ZBTB46: variants seen among roughly 807,000 people sequenced by gnomAD.
The protein encoded by ZBTB46 is zinc finger and BTB domain containing 46, also known as zinc finger and BTB domain-containing protein 46.
ZBTB46 carries 8 observed loss-of-function variants against 44.1 expected under a neutral mutation model. The ratio of observed to expected loss-of-function variants is 0.18; its 90% CI spans 0.11 to 0.33. ZBTB46 has a LOEUF of 0.33. Among genes scored for constraint, ZBTB46 ranks in the 10% least tolerant of loss-of-function variants. The pLI is 1.00. For missense variants in ZBTB46, 651 were observed against 847.7 expected (o/e 0.77, Z 2.88); for synonymous variants, 409 against 382.3 (o/e 1.07, Z -0.81).
intron 3 of ZBTB46, among the ~76,000 whole-genome samples, chr20:63,764,125 C>CAGTA (rs1383121755): frequency 1.3e-5 from 2 of 152,004 alleles, no homozygotes; most frequent in African/African-American, 2.4e-5. Flanking sequence ...TGAGCCATTA[C>CAGTA]ACCCAGCTAA....
intron 1 of ZBTB46, among the ~76,000 whole-genome samples, chr20:63,827,703 A>G (rs2092827425): frequency 6.6e-6 from 1 of 152,206 alleles, no homozygotes; most frequent in South Asian, 2.1e-4. Context: ...TCTATTGTAA[A>G]ATAGCTATGG....
intron 3 of ZBTB46, among the ~76,000 whole-genome samples, chr20:63,754,463 T>C (rs2092201037): frequency 6.6e-6 from 1 of 152,172 alleles, no homozygotes; most frequent in Non-Finnish European, 1.5e-5. Flanking sequence ...CAGCATTTTT[T>C]TTCTCTTTTT....
chr20:63,780,840 A>G (rs1408461401), intron 2 of ZBTB46, among the ~76,000 whole-genome samples: 1 of 150,008 alleles, frequency 6.7e-6, no homozygotes, highest in African/African-American at 2.5e-5. Context: ...CTGTTAAATG[A>G]AAAAAGGAGG....
At position 63,747,502 on chromosome 20, in the gene ZBTB46, G is replaced by A. The variant is rs183598936; in HGVS notation, c.1399-201C>T. Among the ~76,000 whole-genome samples the A allele has an allele frequency of 3.4e-3, 186 of 54,038 alleles. 3 individuals carry two copies. Among genetic ancestry groups the A allele is most frequent in the African/African-American group, 9.6e-3 (176 of 18,378 alleles). 35.5% of individuals were successfully genotyped at this position (54,038 alleles called of 152,430 possible). Reference sequence around the variant, plus strand: ...GTGAGCAGGGCCCGGTGGAGGTTGGGAGGGGGGCCAGGGGGTGAGCAGGGC... The same window carrying A: ...GTGAGCAGGGCCCGGTGGAGGTTGGAAGGGGGGCCAGGGGGTGAGCAGGGC... On this transcript the variant is annotated intron_variant, in intron 4 of 4. Transcript: ENST00000245663.
chr20:63,790,467 G>C lies in ZBTB46; in HGVS notation c.291C>G (p.Leu97=). The part of the protein sequence containing the change: ...IDFMYSAHLA[L]TSRNVIEVMS... ...TCACCTCGATGACGTTCCTGCTGGT[G>C]AGCGCCAGGTGCGCTGAGTACATGA... Residue 97 remains leucine (L), a synonymous_variant, in exon 2 of 5, where the codon CTC becomes CTG. Coordinates refer to ENST00000245663, the MANE Select transcript of ZBTB46 (RefSeq NM_001369741.1). 1 of 1,613,470 alleles carries C rather than the reference G, an allele frequency of 6.2e-7. No homozygotes were observed. The highest frequency in any genetic ancestry group is 1.1e-5 in the South Asian group (1 of 91,086).
intron 3 of ZBTB46, among the ~76,000 whole-genome samples, chr20:63,762,132 G>A (rs1027651559): frequency 2.6e-5 from 4 of 152,134 alleles, no homozygotes; most frequent in African/African-American, 9.7e-5. Flanking sequence ...TTAGCTAACT[G>A]AATCCAATAA....
intron 4 of ZBTB46, among the ~76,000 whole-genome samples, chr20:63,748,808 C>T (rs1348970554): frequency 6.6e-6 from 1 of 152,250 alleles, no homozygotes; most frequent in African/African-American, 2.4e-5. Context: ...GTGAGTTTAG[C>T]TCTTCCTTAA....
At chr20:63,762,770 CTT>C (rs1228161747) in intron 3 of ZBTB46, among the ~76,000 whole-genome samples, 1 of 152,124 alleles carries the variant, frequency 6.6e-6, no homozygotes, top group African/African-American at 2.4e-5. Flanking sequence ...GCCAGTCCCT[CTT>C]GAGTAATACT....
chr20:63,759,978 G>A (rs1429842176), intron 3 of ZBTB46, among the ~76,000 whole-genome samples: 1 of 152,152 alleles, frequency 6.6e-6, no homozygotes, highest in Non-Finnish European at 1.5e-5. Flanking sequence ...TTGAGTTCTT[G>A]GAATGAGCCT....
intron 1 of ZBTB46, among the ~76,000 whole-genome samples, chr20:63,805,582 G>T (rs914005954): frequency 7.2e-5 from 11 of 152,192 alleles, no homozygotes; most frequent in African/African-American, 2.4e-4. Context: ...GGAAGAGGCA[G>T]GAAGGACCCT....
chr20:63,769,159 C>A, intron 3 of ZBTB46: 1 of 983,810 alleles, frequency 1.0e-6, no homozygotes, highest in Non-Finnish European at 1.2e-6. Flanking sequence ...TCATCTGGGC[C>A]GTGGCCACGC....
At chr20:63,784,951 T>C (rs573690153) in intron 2 of ZBTB46, among the ~76,000 whole-genome samples, 11 of 152,234 alleles carry the variant, frequency 7.2e-5, no homozygotes, top group Admixed American at 4.6e-4. Flanking sequence ...AGAGACTTTG[T>C]GGCCGGGCGT....
At chr20:63,770,346 T>C (rs892510466) in intron 3 of ZBTB46, among the ~76,000 whole-genome samples, 4 of 149,256 alleles carry the variant, frequency 2.7e-5, no homozygotes, top group Admixed American at 6.8e-5. Context: ...GAACAATGTC[T>C]AGTAACAGAG....
chr20:63,760,623 A>AT (rs2092265509), intron 3 of ZBTB46, among the ~76,000 whole-genome samples: 1 of 151,346 alleles, frequency 6.6e-6, no homozygotes, highest in Non-Finnish European at 1.5e-5. Flanking sequence ...CACCTGGCTA[A>AT]TTTTTTCTAT....
chr20:63,782,995 T>C (rs2092483037), intron 2 of ZBTB46, among the ~76,000 whole-genome samples: 1 of 152,182 alleles, frequency 6.6e-6, no homozygotes, highest in South Asian at 2.1e-4. Context: ...CCAGGCGTGG[T>C]GGCGCACGCC....
chr20:63,777,953 C>A (rs1056551892), intron 2 of ZBTB46, among the ~76,000 whole-genome samples: 4 of 152,300 alleles, frequency 2.6e-5, no homozygotes, highest in African/African-American at 9.6e-5. Flanking sequence ...AGGCCACATG[C>A]CATTTCATTT....
At chr20:63,772,750 CACACACACACACACA>C (rs1568850327) in intron 3 of ZBTB46, among the ~76,000 whole-genome samples, 2,339 of 91,902 alleles carry the variant, frequency 0.025, 68 homozygotes, top group African/African-American at 0.098. Context: ...CACACACACA[CACACACACACACACA>C]CAGAAGTGCG....
At position 63,747,125 on chromosome 20, in the gene ZBTB46, C is replaced by T; in HGVS notation, c.1575G>A (p.Glu525=). 1 of 1,610,462 alleles carries T rather than the reference C, an allele frequency of 6.2e-7. No individual in the cohort carries two copies. The highest frequency in any genetic ancestry group is 1.7e-4 in the Middle Eastern group (1 of 6,050). ...AGGGCCCGTCGCCTGGGAACAGCGC[C>T]TCTGGAGAGCCCTCGCCGCCTCCGC... ...HGGGGGEGSP[E]ALFPGDGPYL... The change falls in exon 5 of 5, where the codon GAG becomes GAA. Residue 525 remains glutamate, a synonymous_variant. Coordinates refer to ENST00000245663, the MANE Select transcript of ZBTB46 (RefSeq NM_001369741.1).
At chr20:63,833,358 G>A (rs940450782), upstream of ZBTB46, among the ~76,000 whole-genome samples, 2 of 152,346 alleles carry the variant, frequency 1.3e-5, no homozygotes, top group South Asian at 2.1e-4. Flanking sequence ...TTGGGAGGCC[G>A]AGGCAGGCGG....
Sources: allele counts gnomAD v4.1 joint callset (sites outside exome capture counted in the v4.1 genomes callset), GRCh38; gene constraint gnomAD v4.1.1; transcripts MANE v1.5; gene names NCBI Gene and HGNC (gene_info 2026-07-23, HGNC 2026-07-21).